Variants in SMOC1 observed in about 807,000 individuals in gnomAD.
SMOC1 encodes the protein SPARC-related modular calcium-binding protein 1.
In SMOC1, 22 loss-of-function variants were observed where a neutral mutation model predicts 56.3. That is an observed-to-expected ratio of 0.39 (90% CI 0.28 to 0.56). SMOC1 has a LOEUF of 0.56. Among genes scored for constraint, SMOC1 ranks in the 20% least tolerant of loss-of-function variants. The probability of loss-of-function intolerance (pLI) is 0.61; values close to 1 mark genes in which losing one functional copy is unlikely to be tolerated. For missense variants in SMOC1, 509 were observed against 565.4 expected, an observed-to-expected ratio of 0.90 and a Z score of 1.01; for synonymous variants, 193 against 215.0, an observed-to-expected ratio of 0.90 and a Z score of 0.89.
At chr14:70,016,988 G>C (rs1221721601) in intron 10 of SMOC1, among the ~76,000 whole-genome samples, 1 of 152,152 alleles carries the variant, frequency 6.6e-6, no homozygotes, top group East Asian at 1.9e-4. Context: ...TAAACCCAAG[G>C]AGAATTTAAG....
chr14:69,998,085 C>T (rs1452820344), intron 7 of SMOC1, among the ~76,000 whole-genome samples: 3 of 152,194 alleles, frequency 2.0e-5, no homozygotes, highest in Non-Finnish European at 2.9e-5. Context: ...AATAACATGA[C>T]ACATATGCCT....
chr14:69,972,995 C>T (rs1883828358), intron 3 of SMOC1, among the ~76,000 whole-genome samples: 1 of 152,188 alleles, frequency 6.6e-6, no homozygotes, highest in South Asian at 2.1e-4. Context: ...GAGTCAAGGG[C>T]CCTGGGAGTG....
rs181169835 is a variant in SMOC1 at position 69,900,608 on chromosome 14, A to T, written c.99+20831A>T. Among the ~76,000 whole-genome samples, 95 of 152,328 alleles carry T rather than the reference A, an allele frequency of 6.2e-4. 1 individual carries two copies. The highest frequency in any genetic ancestry group is 2.2e-3 in the African/African-American group (90 of 41,572). ...TTTACAGAGGAGAAAACTGAGACACACAGAGATTCATTGACCTGAGATGCT... is the reference window on the plus strand; with the variant it reads ...TTTACAGAGGAGAAAACTGAGACACTCAGAGATTCATTGACCTGAGATGCT... On this transcript the variant is annotated intron_variant, in intron 1 of 11. Coordinates refer to ENST00000361956, the MANE Select transcript of SMOC1 (RefSeq NM_001034852.3).
intron 3 of SMOC1, among the ~76,000 whole-genome samples, chr14:69,975,123 C>T (rs1883901563): frequency 2.0e-5 from 3 of 152,166 alleles, no homozygotes; most frequent in Non-Finnish European, 4.4e-5. Flanking sequence ...GCAGGTGAAT[C>T]ACTTGAGGTG....
chr14:69,968,791 C>A (rs7149760), intron 3 of SMOC1, among the ~76,000 whole-genome samples: 16,732 of 152,210 alleles, frequency 0.11, 1,386 homozygotes, highest in African/African-American at 0.23. Context: ...TGACAGCAGT[C>A]CTTTCATTAC....
chr14:69,958,430 T>A lies in SMOC1; in HGVS notation c.378+4898T>A, dbSNP rs141052712. 9.7e-4 allele frequency among the ~76,000 whole-genome samples: 148 copies of A among 152,356 alleles called. 1 individual carries two copies. Among genetic ancestry groups the A allele is most frequent in the African/African-American group, 3.2e-3 (131 of 41,584 alleles). ...AAAACCAGCCATATGATAATAATAGTCAATAAGTGAATCTGAATGATGTTA... is the reference window on the plus strand; with the variant it reads ...AAAACCAGCCATATGATAATAATAGACAATAAGTGAATCTGAATGATGTTA... On this transcript the variant is annotated intron_variant, in intron 3 of 11. Coordinates refer to ENST00000361956, the MANE Select transcript of SMOC1 (RefSeq NM_001034852.3).
intron 7 of SMOC1, among the ~76,000 whole-genome samples, chr14:70,000,723 C>T (rs995674359): frequency 6.6e-6 from 1 of 152,178 alleles, no homozygotes; most frequent in South Asian, 2.1e-4. Flanking sequence ...GGGAAGGAAG[C>T]GGTCACCACT....
chr14:69,916,972 C>A (rs1416609548), intron 1 of SMOC1, among the ~76,000 whole-genome samples: 1 of 152,214 alleles, frequency 6.6e-6, no homozygotes, highest in Non-Finnish European at 1.5e-5. Flanking sequence ...TGGATGAATT[C>A]TCATTTCTCA....
intron 1 of SMOC1, among the ~76,000 whole-genome samples, chr14:69,905,162 C>T (rs1891256100): frequency 6.6e-6 from 1 of 152,084 alleles, no homozygotes; most frequent in Admixed American, 6.6e-5. Flanking sequence ...GGAAGAGGTG[C>T]TATGGCAACA....
rs1294670263 is a variant in SMOC1 at position 70,010,907 on chromosome 14, T to C, written c.818T>C (p.Leu273Pro). 1 of 1,613,436 alleles carries C rather than the reference T, an allele frequency of 6.2e-7. No individual in the cohort carries two copies. The highest frequency in any genetic ancestry group is 8.5e-7 in the Non-Finnish European group (1 of 1,180,030). ...HQSTGYCWCV[L>P]VDTGRPLPGT... ...TCCACTGGCTACTGCTGGTGTGTGC[T>C]GGTGGACACAGGGCGCCCGCTGCCT... The change falls in exon 8 of 12, where the codon CTG becomes CCG. Residue 273 changes from leucine (L) to proline (P), a missense_variant. Physicochemically the swap from Leu to Pro is moderately conservative, Grantham distance 98. Coordinates refer to ENST00000361956, the MANE Select transcript of SMOC1 (RefSeq NM_001034852.3).
chr14:70,030,852 A>G lies in SMOC1; in HGVS notation c.*594A>G, dbSNP rs1566718177. 4 of 152,292 alleles carry G rather than the reference A, an allele frequency of 2.6e-5. No homozygotes were observed. The highest frequency in any genetic ancestry group is 2.6e-4 in the Admixed American group (4 of 15,286). The allele number at this position is 152,292 out of a possible 1,614,324, so 9.4% of individuals were successfully genotyped here. On this transcript the variant is annotated 3_prime_UTR_variant, in exon 12 of 12. Coordinates refer to ENST00000361956, the MANE Select transcript of SMOC1 (RefSeq NM_001034852.3). ...TCTGGTGGGAGGACTATATTGCCCC[A>G]TGCCATTAGTTGTCAAAATTGATAA...
At chr14:69,917,493 A>G (rs897627265) in intron 1 of SMOC1, among the ~76,000 whole-genome samples, 9 of 152,234 alleles carry the variant, frequency 5.9e-5, no homozygotes, top group Non-Finnish European at 1.3e-4. Context: ...TAATCAATGA[A>G]TGACACATTT....
chr14:69,900,486 T>G (rs1427512959), intron 1 of SMOC1, among the ~76,000 whole-genome samples: 2 of 152,244 alleles, frequency 1.3e-5, no homozygotes, highest in Non-Finnish European at 2.9e-5. Flanking sequence ...CTTATAACAC[T>G]TATCTGGCTC....
chr14:70,009,412 TATGTG>T (rs1411563339), intron 7 of SMOC1, among the ~76,000 whole-genome samples: 1 of 152,212 alleles, frequency 6.6e-6, no homozygotes. Flanking sequence ...GCTTTACCTA[TATGTG>T]TGTCATTAAC....
At chr14:69,958,301 A>G (rs1029211689) in intron 3 of SMOC1, among the ~76,000 whole-genome samples, 3 of 152,234 alleles carry the variant, frequency 2.0e-5, no homozygotes, top group African/African-American at 7.2e-5. Flanking sequence ...CTAAAAGCAA[A>G]CAACACACAT....
intron 1 of SMOC1, 116 bp from the exon 2 acceptor site, chr14:69,952,022 T>C: frequency 8.3e-7 from 1 of 1,204,256 alleles, no homozygotes; most frequent in South Asian, 1.2e-5. Flanking sequence ...TAGGGTTTTA[T>C]TTGGGTTTAT....
In SMOC1 at chr14:69,980,065, G is replaced by T. The variant is rs185546360; in HGVS notation, c.526+2100G>T. Among the ~76,000 whole-genome samples, 1,375 of 139,488 alleles carry T rather than the reference G, an allele frequency of 9.9e-3. 12 individuals carry two copies. Among genetic ancestry groups the T allele is most frequent in the Admixed American group, 0.017 (232 of 13,820 alleles). The allele number at this position is 139,488 out of a possible 152,430, so 91.5% of individuals were successfully genotyped here. On this transcript the variant is annotated intron_variant, in intron 5 of 11. Coordinates refer to ENST00000361956, the MANE Select transcript of SMOC1 (RefSeq NM_001034852.3). ...GGCTCTCACTGGTCCAGCTGGAAGT[G>T]GGGGGGTGAGGGTGGCTGGGGATGT... is the stretch of plus-strand genomic sequence containing the variant.
intron 2 of SMOC1, among the ~76,000 whole-genome samples, 162 bp downstream of exon 2, chr14:69,952,465 T>C (rs941249438): frequency 1.3e-5 from 2 of 152,244 alleles, no homozygotes; most frequent in Non-Finnish European, 2.9e-5. Context: ...AAGCCTGGTC[T>C]ACCTGAAGGA....
At position 69,992,471 on chromosome 14, in the gene SMOC1, A is replaced by T. The variant is rs1884599467; in HGVS notation, c.581A>T (p.Asp194Val). The change falls in exon 6 of 12, where the codon GAT (aspartate) becomes GTT (valine). Residue 194 changes from aspartate to valine, a missense_variant and splice_region_variant. Physicochemically the swap from Asp to Val is radical, Grantham distance 152. Transcript: ENST00000361956. ...TMETQPVFDG[D>V]EITAPTLWIK... ...GAGACCCAGCCGGTGTTCGATGGAG[A>T]TGGTAAGATCTTGCATTACTTCTGA... 1.9e-6 allele frequency: 3 copies of T among 1,612,866 alleles called. No individual in the cohort carries two copies. The South Asian group carries it at 3.3e-5, about 18-fold the overall frequency.
Sources: allele counts gnomAD v4.1 joint callset (sites outside exome capture counted in the v4.1 genomes callset), GRCh38; gene constraint gnomAD v4.1.1; transcripts MANE v1.5; gene names NCBI Gene and HGNC (gene_info 2026-07-23, HGNC 2026-07-21).